RSRC1: variants seen among roughly 807,000 people sequenced by gnomAD.
The protein encoded by RSRC1 is serine/Arginine-related protein 53.
In RSRC1, 39 loss-of-function variants were observed where a neutral mutation model predicts 49.1. The ratio of observed to expected loss-of-function variants is 0.79; its 90% CI spans 0.61 to 1.04. The LOEUF (loss-of-function observed/expected upper bound fraction) is 1.04. Ranked by LOEUF, RSRC1 falls within the 50% of genes least tolerant of loss-of-function variation. The probability of loss-of-function intolerance (pLI) is 0.00; values close to 1 mark genes in which losing one functional copy is unlikely to be tolerated. For synonymous variants in RSRC1, 143 were observed against 130.8 expected (o/e 1.09, Z -0.63); for missense variants, 388 against 402.4 (o/e 0.96, Z 0.31).
intron 3 of RSRC1, among the ~76,000 whole-genome samples, chr3:158,196,587 A>C (rs1387037214): frequency 6.6e-6 from 1 of 152,170 alleles, no homozygotes; most frequent in Non-Finnish European, 1.5e-5. Context: ...CCAGTTTTCA[A>C]AGGGAATGCT....
intron 6 of RSRC1, among the ~76,000 whole-genome samples, chr3:158,440,671 C>A (rs1736334996): frequency 6.6e-6 from 1 of 152,100 alleles, no homozygotes; most frequent in Admixed American, 6.6e-5. Context: ...CAGTTGGGCG[C>A]AGTGGCTCAT....
chr3:158,453,886 C>T (rs903208131), intron 6 of RSRC1, among the ~76,000 whole-genome samples: 7 of 152,102 alleles, frequency 4.6e-5, no homozygotes, highest in African/African-American at 1.7e-4. Flanking sequence ...TTATTACAGT[C>T]TTTTTTTCCT....
At chr3:158,319,715 A>G (rs1020829496) in intron 5 of RSRC1, among the ~76,000 whole-genome samples, 3 of 152,198 alleles carry the variant, frequency 2.0e-5, no homozygotes, top group African/African-American at 7.2e-5. Context: ...CTAAATTTTG[A>G]GTGAATTTTA....
intron 5 of RSRC1, among the ~76,000 whole-genome samples, chr3:158,329,900 C>T (rs981641465): frequency 6.6e-6 from 1 of 152,218 alleles, no homozygotes; most frequent in African/African-American, 2.4e-5. Flanking sequence ...AGCTTCTGGG[C>T]TGCTTTGTTC....
chr3:158,258,726 C>T (rs1037457094), intron 4 of RSRC1, among the ~76,000 whole-genome samples: 2 of 152,020 alleles, frequency 1.3e-5, no homozygotes, highest in Non-Finnish European at 2.9e-5. Flanking sequence ...AGGTGTGCTT[C>T]ATGTTTTTTT....
intron 4 of RSRC1, among the ~76,000 whole-genome samples, chr3:158,267,553 G>T (rs1725258955): frequency 6.6e-6 from 1 of 150,940 alleles, no homozygotes; most frequent in Non-Finnish European, 1.5e-5. Flanking sequence ...TTTTTTTCTT[G>T]TACTCCAAAT....
rs544019325 is a variant in RSRC1 at position 158,159,127 on chromosome 3, A to G, written c.320+35136A>G. On this transcript the variant is annotated intron_variant, in intron 3 of 9. Coordinates refer to ENST00000611884, the MANE Select transcript of RSRC1 (RefSeq NM_001271838.2). ...AGTGTAGTTTGGCTGGCCTGGCCTG[A>G]GATTCTAGGATGTGAAGCTAGTGTT... 1.2e-4 allele frequency among the ~76,000 whole-genome samples: 18 copies of G among 152,106 alleles called. No homozygotes were observed. In the South Asian group the frequency reaches 1.9e-3, roughly 16 times the overall value.
intron 4 of RSRC1, among the ~76,000 whole-genome samples, chr3:158,286,993 A>AT (rs1578291061): frequency 6.6e-6 from 1 of 151,988 alleles, no homozygotes; most frequent in African/African-American, 2.4e-5. Context: ...CACCCGGCCA[A>AT]TTTTTTGTAT....
chr3:158,164,912 G>A (rs1718447303), intron 3 of RSRC1, among the ~76,000 whole-genome samples: 1 of 152,064 alleles, frequency 6.6e-6, no homozygotes, highest in African/African-American at 2.4e-5. Context: ...CTCCTATTAA[G>A]GTTTTAAGAT....
chr3:158,323,924 G>A (rs1057243679), intron 5 of RSRC1, among the ~76,000 whole-genome samples: 2 of 145,964 alleles, frequency 1.4e-5, no homozygotes, highest in Admixed American at 7.0e-5. Flanking sequence ...CTGTGCATCC[G>A]TACTATAGTA....
chr3:158,493,569 T>C (rs1739184643), intron 7 of RSRC1, among the ~76,000 whole-genome samples: 1 of 152,212 alleles, frequency 6.6e-6, no homozygotes, highest in South Asian at 2.1e-4. Context: ...AAATTTAGCA[T>C]ACTTCAATTG....
chr3:158,227,915 A>G (rs1323409026), intron 4 of RSRC1, among the ~76,000 whole-genome samples: 6 of 152,022 alleles, frequency 3.9e-5, no homozygotes, highest in East Asian at 1.9e-4. Context: ...CCTGAGGGCT[A>G]TAGTTTGTCA....
intron 4 of RSRC1, among the ~76,000 whole-genome samples, chr3:158,261,697 A>G (rs573129470): frequency 6.6e-6 from 1 of 152,312 alleles, no homozygotes; most frequent in African/African-American, 2.4e-5. Flanking sequence ...TCATAGGAGC[A>G]TGAACCCTAT....
intron 7 of RSRC1, among the ~76,000 whole-genome samples, chr3:158,503,330 G>A (rs1483135175): frequency 6.6e-6 from 1 of 152,112 alleles, no homozygotes; most frequent in African/African-American, 2.4e-5. Flanking sequence ...TCTTAGCTTT[G>A]GTGGTTTCAT....
Position 158,276,737 on chromosome 3 carries a change from C to T in RSRC1, c.495-21302C>T, listed in dbSNP as rs1345510398. Among the ~76,000 whole-genome samples, 8 of 152,050 alleles carry T rather than the reference C, an allele frequency of 5.3e-5. No individual in the cohort carries two copies. The South Asian group carries it at 1.2e-3, about 24-fold the overall frequency. On this transcript the variant is annotated intron_variant, in intron 4 of 9. Transcript: ENST00000611884. ...AGATGGAAGAAGTTGATGATGTTCT[C>T]AACTTTTAGATTTAGCTCTCCTTGT...
At position 158,537,207 on chromosome 3, in the gene RSRC1, T is replaced by G. The variant is rs775374301; in HGVS notation, c.759+9T>G. On this transcript the variant is annotated intron_variant, in intron 8 of 9. Coordinates refer to ENST00000611884, the MANE Select transcript of RSRC1 (RefSeq NM_001271838.2). Reference sequence around the variant, plus strand: ...GTAAAGAAGTCAAAAAGGTAAGTTTTTATCCACCCATTATGAGTAAACCTT... The same window carrying G: ...GTAAAGAAGTCAAAAAGGTAAGTTTGTATCCACCCATTATGAGTAAACCTT... 5 of 1,521,346 alleles carry G rather than the reference T, an allele frequency of 3.3e-6. No homozygotes were observed. Among genetic ancestry groups the G allele is most frequent in the Non-Finnish European group, 4.5e-6 (5 of 1,119,790 alleles). The allele number at this position is 1,521,346 out of a possible 1,614,324, so 94.2% of individuals were successfully genotyped here. A position where few individuals can be genotyped will look rare whatever the true frequency, so the allele number is the denominator to read the frequency against.
chr3:158,174,628 G>A (rs1349630759), intron 3 of RSRC1, among the ~76,000 whole-genome samples: 2 of 151,940 alleles, frequency 1.3e-5, no homozygotes, highest in Non-Finnish European at 2.9e-5. Context: ...TTACATTAGT[G>A]TGTAATCCTT....
chr3:158,484,314 G>GA (rs1738733545), intron 7 of RSRC1, among the ~76,000 whole-genome samples: 1 of 152,122 alleles, frequency 6.6e-6, no homozygotes, highest in Non-Finnish European at 1.5e-5. Flanking sequence ...CACATGCTTG[G>GA]AAAACATCAT....
chr3:158,156,097 G>C (rs1488409287), intron 3 of RSRC1, among the ~76,000 whole-genome samples: 2 of 152,124 alleles, frequency 1.3e-5, no homozygotes, highest in African/African-American at 4.8e-5. Flanking sequence ...CTGTTGTTTA[G>C]CATAGCCACC....
Sources: gnomAD v4.1 joint callset for allele counts (sites outside exome capture counted in the v4.1 genomes callset) on GRCh38, gnomAD v4.1.1 for gene constraint, MANE v1.5 for transcripts, NCBI Gene and HGNC (gene_info 2026-07-23, HGNC 2026-07-21) for gene names.